The following TSPOAP1 variants were observed in gnomAD, a reference collection of about 807,000 sequenced individuals.
TSPOAP1 encodes peripheral-type benzodiazepine receptor-associated protein 1.
TSPOAP1 carries 87 observed loss-of-function variants against 197.0 expected under a neutral mutation model. That is an observed-to-expected ratio of 0.44 (90% CI 0.37 to 0.53). The LOEUF is 0.53. Among genes scored for constraint, TSPOAP1 ranks in the 20% least tolerant of loss-of-function variants. The pLI, the probability that TSPOAP1 is intolerant of heterozygous loss-of-function variation, is 0.00. For missense variants in TSPOAP1, 2,174 were observed against 2,411.3 expected (o/e 0.90, Z 2.06); for synonymous variants, 913 against 998.9 (o/e 0.91, Z 1.62).
In TSPOAP1 at chr17:58,309,262, T is replaced by A. The variant is rs780486301; in HGVS notation, c.4010A>T (p.Glu1337Val). The change falls in exon 22 of 32, where the codon GAA (glutamate) becomes GTA (valine). Residue 1337 changes from glutamate (E) to valine (V), a missense_variant. Physicochemically the swap from Glu to Val is moderately radical, Grantham distance 121. This residue lies in a region of TSPOAP1 where 1,933 missense variants were observed against 2,139.0 expected (regional missense o/e 0.90). Coordinates refer to ENST00000343736, the MANE Select transcript of TSPOAP1 (RefSeq NM_004758.4). The surrounding 1 kb of genome is among the most constrained non-coding windows in gnomAD (Gnocchi z 5.0). ...CTCCTCCTCGTCCTCCTCTTCCTCT[T>A]CCTCCTCCTCCGGGATGCTAAAGAG... ...KKLFSIPEEE[E>V]EEEEDEEEEK... The A allele has an allele frequency of 2.5e-6, 4 of 1,613,732 alleles. No homozygotes were observed. In the East Asian group the frequency reaches 8.9e-5, roughly 36 times the overall value.
rs1372889789 is a variant in TSPOAP1 at position 58,302,279 on chromosome 17, TC to T, written c.*200del. Reference sequence around the variant, plus strand: ...GATGGGCCACAGCTTCACTCCTTCTTCCCAGAGCCCAGCCTCCTGAGGAGCT... The same window carrying T: ...GATGGGCCACAGCTTCACTCCTTCTTCCAGAGCCCAGCCTCCTGAGGAGCT... On this transcript the variant is annotated 3_prime_UTR_variant, in exon 32 of 32. Transcript: ENST00000343736. The T allele has an allele frequency of 8.5e-6, 11 of 1,289,484 alleles. No individual in the cohort carries two copies. Among genetic ancestry groups the T allele is most frequent in the Non-Finnish European group, 5.1e-6 (5 of 988,768 alleles). The allele number at this position is 1,289,484 out of a possible 1,614,324, so 79.9% of individuals were successfully genotyped here.
In TSPOAP1 at chr17:58,307,695, C is replaced by T. The variant is rs1366324513; in HGVS notation, c.4899G>A (p.Leu1633=). The part of the protein sequence containing the change: ...QHLPVRIFVA[L]FDYDPVSMSP... Reference sequence around the variant, plus strand: ...ACATTGACACGGGGTCATAGTCAAACAGAGCCACAAAGATCCTGACGGGTA... The same window carrying T: ...ACATTGACACGGGGTCATAGTCAAATAGAGCCACAAAGATCCTGACGGGTA... The change falls in exon 24 of 32, where the codon CTG becomes CTA. Residue 1633 remains leucine, a synonymous_variant. Coordinates refer to ENST00000343736, the MANE Select transcript of TSPOAP1 (RefSeq NM_004758.4). 6.2e-7 allele frequency: 1 copy of T among 1,614,182 alleles called. No individual in the cohort carries two copies. The highest frequency in any genetic ancestry group is 8.5e-7 in the Non-Finnish European group (1 of 1,180,038).
chr17:58,305,330 CCT>C (rs749036265), intron 29 of TSPOAP1, 55 bp downstream of exon 29: 50 of 1,596,388 alleles, frequency 3.1e-5, no homozygotes, highest in Non-Finnish European at 4.1e-5. Flanking sequence ...TGCCTATCCC[CCT>C]GTCCGAAGTC....
Position 58,309,446 on chromosome 17 carries a change from G to A in TSPOAP1, c.3892-66C>T. 1 of 1,527,112 alleles carries A rather than the reference G, an allele frequency of 6.5e-7. No homozygotes were observed. 94.6% of individuals were successfully genotyped at this position (1,527,112 alleles called of 1,614,324 possible). On this transcript the variant is annotated intron_variant, in intron 21 of 31. Coordinates refer to ENST00000343736, the MANE Select transcript of TSPOAP1 (RefSeq NM_004758.4). The surrounding 1 kb of genome is among the most constrained non-coding windows in gnomAD (Gnocchi z 5.0). ...AGAGAGATGCGTGGGGAAGAGGAGAGCGAGCTGCGATCTTTGCCCTCAAAC... is the reference window on the plus strand; with the variant it reads ...AGAGAGATGCGTGGGGAAGAGGAGAACGAGCTGCGATCTTTGCCCTCAAAC...
intron 16 of TSPOAP1, among the ~76,000 whole-genome samples, chr17:58,313,988 C>T (rs1271023261): frequency 2.6e-5 from 4 of 152,114 alleles, no homozygotes. Flanking sequence ...GGGCACCCAG[C>T]ATGTAATGTC....
Position 58,310,524 on chromosome 17 carries a change from C to T in TSPOAP1, c.3687G>A (p.Arg1229=). 6.2e-7 allele frequency: 1 copy of T among 1,613,354 alleles called. No individual in the cohort carries two copies. The highest frequency in any genetic ancestry group is 8.5e-7 in the Non-Finnish European group (1 of 1,179,986). The change falls in exon 20 of 32, where the codon AGG becomes AGA. Residue 1229 remains arginine (R), a synonymous_variant. Coordinates refer to ENST00000343736, the MANE Select transcript of TSPOAP1 (RefSeq NM_004758.4). The stretch of plus-strand genomic sequence containing the variant: ...CCCAAACCCCTACCTCAGCCCTGGG[C>T]CTCAGCCCAGACCCTGGGTCTCCTC... The part of the protein sequence containing the change: ...CQGGDPGSGL[R]PRAEKEDTAE...
intron 13 of TSPOAP1, 152 bp downstream of exon 13, chr17:58,318,938 T>TC: frequency 2.2e-6 from 2 of 897,618 alleles, no homozygotes; most frequent in East Asian, 2.8e-5. Flanking sequence ...GCTTTATTTT[T>TC]CCCCAACAGA....
Position 58,312,044 on chromosome 17 carries a change from C to T in TSPOAP1, c.2777G>A (p.Ser926Asn), listed in dbSNP as rs1971091154. ...NGEECPPASP[S>N]TYWATFCHLR... is the part of the protein sequence containing the mutation. ...GTGGCAGAAGGTGGCCCAGTAGGTA[C>T]TGGGGCTGGCAGGTGGGCACTCTTC... is the stretch of plus-strand genomic sequence containing the variant. The change falls in exon 17 of 32, where the codon AGT becomes AAT. Residue 926 changes from serine to asparagine, a missense_variant. This residue lies in a region of TSPOAP1 where 1,933 missense variants were observed against 2,139.0 expected (regional missense o/e 0.90). Transcript: ENST00000343736. The T allele has an allele frequency of 1.2e-6, 2 of 1,613,392 alleles. No individual in the cohort carries two copies. The highest frequency in any genetic ancestry group is 2.7e-5 in the African/African-American group (2 of 74,932).
At position 58,309,770 on chromosome 17, in the gene TSPOAP1, C is replaced by G. The variant is rs1015574225; in HGVS notation, c.3891+197G>C. 6.6e-6 allele frequency among the ~76,000 whole-genome samples: 1 copy of G among 152,220 alleles called. No individual in the cohort carries two copies. The highest frequency in any genetic ancestry group is 1.5e-5 in the Non-Finnish European group (1 of 68,030). ...GGGAGAGAAGGTACAGAAATGAACT[C>G]CTCCCCTTCCCCTTTCTTTCCAGGA... is the stretch of plus-strand genomic sequence containing the variant. On this transcript the variant is annotated intron_variant, in intron 21 of 31. Coordinates refer to ENST00000343736, the MANE Select transcript of TSPOAP1 (RefSeq NM_004758.4). The surrounding 1 kb of genome is among the most constrained non-coding windows in gnomAD (Gnocchi z 5.0).
chr17:58,320,437 C>T (rs1971371605), intron 11 of TSPOAP1, 94 bp downstream of exon 11: 2 of 1,366,160 alleles, frequency 1.5e-6, no homozygotes, highest in East Asian at 2.6e-5. Flanking sequence ...TGCAACCCCT[C>T]TCCCCACCGC....
chr17:58,311,699 C>T lies in TSPOAP1; in HGVS notation c.2953G>A (p.Val985Met), dbSNP rs1375460273. The change falls in exon 18 of 32, where the codon GTG (valine) becomes ATG (methionine). Residue 985 changes from valine (V) to methionine (M), a missense_variant. Val to Met is a conservative substitution (Grantham distance 21, BLOSUM62 1). Coordinates refer to ENST00000343736, the MANE Select transcript of TSPOAP1 (RefSeq NM_004758.4). ...GGGGAGGGCCCAGGCTCGATCTGCA[C>T]ATCCAGAGGGGCATCAGGTGGGCCT... ...PAGPPDAPLD[V>M]QIEPGPSPGI... The T allele has an allele frequency of 2.5e-6, 4 of 1,590,538 alleles. No homozygotes were observed. In the African/African-American group the frequency reaches 4.0e-5, roughly 16 times the overall value.
rs1419686360 is a variant in TSPOAP1 at position 58,304,765 on chromosome 17, G to A, written c.5544+296C>T. 3.4e-6 allele frequency: 2 copies of A among 587,254 alleles called. No individual in the cohort carries two copies. The highest frequency in any genetic ancestry group is 6.2e-6 in the Non-Finnish European group (2 of 322,024). The allele number at this position is 587,254 out of a possible 1,614,324, so 36.4% of individuals were successfully genotyped here. On this transcript the variant is annotated intron_variant, in intron 30 of 31. Transcript: ENST00000343736. The surrounding 1 kb of genome is among the most constrained non-coding windows in gnomAD (Gnocchi z 4.2). Reference sequence around the variant, plus strand: ...GATTGGCCACAGGTGTGAGGCAGAGGGGTCCTTTTCCACAGGGCCCCCTCA... The same window carrying A: ...GATTGGCCACAGGTGTGAGGCAGAGAGGTCCTTTTCCACAGGGCCCCCTCA...
rs1315856379 is a variant in TSPOAP1 at position 58,311,004 on chromosome 17, C to T, written c.3291G>A (p.Glu1097=). 6.2e-7 allele frequency: 1 copy of T among 1,600,404 alleles called. No homozygotes were observed. Among genetic ancestry groups the T allele is most frequent in the South Asian group, 1.1e-5 (1 of 89,496 alleles). ...AGGCTGAAGCAAGGGGCGCTCTGGC[C>T]TCTGGGCTTGGGTGCGGTGAGGGGC... ...VSCPSPHPSP[E]ARAPLASASP... is the part of the protein sequence containing the mutation. The change falls in exon 19 of 32, where the codon GAG becomes GAA. Residue 1097 remains glutamate, a synonymous_variant. Coordinates refer to ENST00000343736, the MANE Select transcript of TSPOAP1 (RefSeq NM_004758.4).
rs543708718 is a variant in TSPOAP1 at position 58,309,763 on chromosome 17, A to G, written c.3891+204T>C. Among the ~76,000 whole-genome samples the G allele has an allele frequency of 6.6e-6, 1 of 152,270 alleles. No homozygotes were observed. Among genetic ancestry groups the G allele is most frequent in the East Asian group, 1.9e-4 (1 of 5,170 alleles). ...GGCTGGAGGGAGAGAAGGTACAGAA[A>G]TGAACTCCTCCCCTTCCCCTTTCTT... On this transcript the variant is annotated intron_variant, in intron 21 of 31. Coordinates refer to ENST00000343736, the MANE Select transcript of TSPOAP1 (RefSeq NM_004758.4). The surrounding 1 kb of genome is among the most constrained non-coding windows in gnomAD (Gnocchi z 5.0).
In TSPOAP1 at chr17:58,310,874, T is replaced by C; in HGVS notation, c.3421A>G (p.Lys1141Glu). The C allele has an allele frequency of 6.5e-7, 1 of 1,538,278 alleles. No individual in the cohort carries two copies. Among genetic ancestry groups the C allele is most frequent in the Non-Finnish European group, 8.7e-7 (1 of 1,146,140 alleles). The change falls in exon 19 of 32, where the codon AAA (lysine) becomes GAA (glutamate). Residue 1141 changes from lysine to glutamate, a missense_variant. Physicochemically the swap from Lys to Glu is moderately conservative, Grantham distance 56 (BLOSUM62 1). Transcript: ENST00000343736. ...GCTGGAGGGTCCTCGTGGGACCCTT[T>C]TGCCATCTCTCTGGAAGGGCTTGCA... Reference protein sequence around the residue: ...PPASPSREMAKGSHEDPPAPC... With the variant: ...PPASPSREMAEGSHEDPPAPC...
In TSPOAP1 at chr17:58,319,192, C is replaced by T. The variant is rs1266791180; in HGVS notation, c.1597G>A (p.Asp533Asn). 1 of 1,583,018 alleles carries T rather than the reference C, an allele frequency of 6.3e-7. No homozygotes were observed. Among genetic ancestry groups the T allele is most frequent in the Non-Finnish European group, 8.6e-7 (1 of 1,164,314 alleles). ...CAGTCCAGGGCAGATGTGAGCAGAT[C>T]CAAGGGGCCCGGGTGCAGGCGGAAA... The part of the protein sequence containing the change: ...QAFRLHPGPL[D>N]LLTSALDCGS... The change falls in exon 13 of 32, where the codon GAT becomes AAT. Residue 533 changes from aspartate (D) to asparagine (N), a missense_variant. Transcript: ENST00000343736.
At chr17:58,323,437 G>A in intron 6 of TSPOAP1, 31 bp downstream of exon 6, 1 of 1,614,220 alleles carries the variant, frequency 6.2e-7, no homozygotes, top group Non-Finnish European at 8.5e-7. Flanking sequence ...GCCCACAGCA[G>A]GCTGCCTCCA....
rs758631762 is a variant in TSPOAP1 at position 58,306,403 on chromosome 17, C to A, written c.5163G>T (p.Pro1721=). ...DILLEGSGNG[P]FVYSTAHTTG... The stretch of plus-strand genomic sequence containing the variant: ...TTGTGTGGGCTGTGGAGTACACAAA[C>A]GGACCATTCCCTGATCCAGAAAAGC... Residue 1721 remains proline, a synonymous_variant, in exon 26 of 32, where the codon CCG becomes CCT. Coordinates refer to ENST00000343736, the MANE Select transcript of TSPOAP1 (RefSeq NM_004758.4). 1 of 1,555,156 alleles carries A rather than the reference C, an allele frequency of 6.4e-7. No homozygotes were observed. Among genetic ancestry groups the A allele is most frequent in the Non-Finnish European group, 8.7e-7 (1 of 1,148,678 alleles).
rs199845425 is a variant in TSPOAP1, at chr17:58,306,356, C to T, written c.5210G>A (p.Arg1737His). 72 of 1,554,540 alleles carry T rather than the reference C, an allele frequency of 4.6e-5. No homozygotes were observed. In the East Asian group the frequency reaches 1.5e-3, roughly 31 times the overall value. The change falls in exon 26 of 32, where the codon CGC (arginine) becomes CAC (histidine). Residue 1737 changes from arginine (R) to histidine (H), a missense_variant. By Grantham distance (29) the Arg-to-His change is conservative (BLOSUM62 0). Around this residue, in one of 5 missense-constraint regions of TSPOAP1, gnomAD observed 161 missense variants for 159.1 expected, o/e 1.01. Transcript: ENST00000343736. ...AHTTGPPPKP[R>H]RSKKAESEGP... ...GTCTTACCCACCTTTCTTGGAGCGG[C>T]GGGGCTTGGGAGGAGGCCCAGTTGT...
Sources: gnomAD v4.1 joint callset for allele counts (sites outside exome capture counted in the v4.1 genomes callset) on GRCh38, gnomAD v4.1.1 for gene constraint, gnomAD v4.1.1 regional missense constraint, Gnocchi (gnomAD v3.1) non-coding constraint, MANE v1.5 for transcripts, NCBI Gene and HGNC (gene_info 2026-07-23, HGNC 2026-07-21) for gene names.